Variants in CHCHD6 observed in about 807,000 individuals in gnomAD.
The protein encoded by CHCHD6 is coiled-coil-helix-coiled-coil-helix domain containing 6, also known as MICOS complex subunit MIC25.
Under a neutral mutation model 32.3 loss-of-function variants are expected in CHCHD6, and 28 were observed. The observed-to-expected ratio is 0.87, with a 90% CI of 0.64 to 1.19. CHCHD6 has a LOEUF of 1.19. CHCHD6 is among the 50% of genes most tolerant of loss of function. The probability of loss-of-function intolerance (pLI) is 0.00; values close to 1 mark genes in which losing one functional copy is unlikely to be tolerated. For synonymous variants in CHCHD6, 122 were observed against 117.5 expected (o/e 1.04, Z -0.25); for missense variants, 333 against 307.0 (o/e 1.08, Z -0.63).
intron 1 of CHCHD6, among the ~76,000 whole-genome samples, chr3:126,709,208 A>G (rs1934641092): frequency 6.6e-6 from 1 of 152,200 alleles, no homozygotes; most frequent in South Asian, 2.1e-4. Flanking sequence ...CGGAGGACTG[A>G]CTGTAAACGT....
At chr3:126,732,311 G>A (rs1054094863) in intron 3 of CHCHD6, among the ~76,000 whole-genome samples, 1 of 152,024 alleles carries the variant, frequency 6.6e-6, no homozygotes, top group African/African-American at 2.4e-5. Flanking sequence ...CCCGTTTAGG[G>A]TTATTTTTTG....
In CHCHD6 at chr3:126,767,254, A is replaced by G. The variant is rs1001110497; in HGVS notation, c.411+34032A>G. On this transcript the variant is annotated intron_variant, in intron 4 of 7. Transcript: ENST00000290913. ...ATATTATCTGTGCGGGGCTGGGGAT[A>G]GTGTCTGTCAGGTTGCCAAGGCCCA... 20 of 1,408,388 alleles carry G rather than the reference A, an allele frequency of 1.4e-5. No individual in the cohort carries two copies. The African/African-American group carries it at 2.5e-4, about 18-fold the overall frequency. The allele number at this position is 1,408,388 out of a possible 1,614,324, so 87.2% of individuals were successfully genotyped here.
At chr3:126,872,530 G>T (rs2077489697) in intron 5 of CHCHD6, among the ~76,000 whole-genome samples, 1 of 152,166 alleles carries the variant, frequency 6.6e-6, no homozygotes, top group Non-Finnish European at 1.5e-5. Context: ...TGCCTACATG[G>T]ATGGTTTAAG....
At chr3:126,947,617 C>T (rs572381620) in intron 6 of CHCHD6, among the ~76,000 whole-genome samples, 3 of 152,300 alleles carry the variant, frequency 2.0e-5, no homozygotes, top group Admixed American at 6.5e-5. Context: ...GTCTGCAGAA[C>T]GGGGTGGGAA....
chr3:126,744,172 A>G (rs1315606234), intron 4 of CHCHD6, among the ~76,000 whole-genome samples: 1 of 152,146 alleles, frequency 6.6e-6, no homozygotes, highest in East Asian at 1.9e-4. Flanking sequence ...TCCCACTTCT[A>G]TGCTTGCCTC....
chr3:126,759,900 C>G (rs2107671817), intron 4 of CHCHD6, among the ~76,000 whole-genome samples: 1 of 152,282 alleles, frequency 6.6e-6, no homozygotes, highest in African/African-American at 2.4e-5. Context: ...AAGCATGGCA[C>G]TAGCATCTGC....
At chr3:126,921,287 T>C (rs2078243224) in intron 6 of CHCHD6, among the ~76,000 whole-genome samples, 1 of 151,604 alleles carries the variant, frequency 6.6e-6, no homozygotes, top group Admixed American at 6.6e-5. Flanking sequence ...CAAAGAGGAG[T>C]GTTGATGGCA....
intron 5 of CHCHD6, among the ~76,000 whole-genome samples, chr3:126,871,814 C>T (rs1231524242): frequency 2.0e-5 from 3 of 151,890 alleles, no homozygotes; most frequent in Non-Finnish European, 2.9e-5. Context: ...TACAGGCACG[C>T]ACCACCACGC....
chr3:126,957,814 A>G (rs2078808246), intron 7 of CHCHD6: 2 of 552,710 alleles, frequency 3.6e-6, no homozygotes, highest in Admixed American at 3.0e-5. Flanking sequence ...GGGTGGGAGC[A>G]GGCTGGGTAA....
At chr3:126,813,981 G>A (rs1488123761) in intron 4 of CHCHD6, among the ~76,000 whole-genome samples, 1 of 152,226 alleles carries the variant, frequency 6.6e-6, no homozygotes, top group Non-Finnish European at 1.5e-5. Flanking sequence ...AGTATTTATG[G>A]AGTGCAGGAT....
At chr3:126,790,404 A>C (rs1938467700) in intron 4 of CHCHD6, among the ~76,000 whole-genome samples, 1 of 152,174 alleles carries the variant, frequency 6.6e-6, no homozygotes, top group Admixed American at 6.5e-5. Flanking sequence ...CCTGGGTAAA[A>C]TAGTGCAGAG....
intron 5 of CHCHD6, among the ~76,000 whole-genome samples, chr3:126,869,332 C>T (rs1245127673): frequency 2.1e-5 from 3 of 142,584 alleles, no homozygotes; most frequent in Admixed American, 7.1e-5. Flanking sequence ...TGGGGATTAC[C>T]GTTATTTAAT....
intron 5 of CHCHD6, among the ~76,000 whole-genome samples, chr3:126,897,782 T>C (rs2077862277): frequency 6.6e-6 from 1 of 152,238 alleles, no homozygotes; most frequent in Non-Finnish European, 1.5e-5. Context: ...TGGCTCCCCA[T>C]TTGCTCTGCC....
intron 4 of CHCHD6, among the ~76,000 whole-genome samples, chr3:126,799,094 G>A (rs1938939874): frequency 6.6e-6 from 1 of 152,160 alleles, no homozygotes; most frequent in Admixed American, 6.5e-5. Flanking sequence ...TAACATTGTG[G>A]TTTATTTCCC....
At chr3:126,863,250 C>T (rs1942028008) in intron 5 of CHCHD6, among the ~76,000 whole-genome samples, 1 of 145,340 alleles carries the variant, frequency 6.9e-6, no homozygotes, top group South Asian at 2.2e-4. Context: ...CCATCACCAC[C>T]TCCTCCTCCA....
chr3:126,723,924 C>G (rs150302447), intron 1 of CHCHD6, among the ~76,000 whole-genome samples: 1 of 152,194 alleles, frequency 6.6e-6, no homozygotes, highest in Non-Finnish European at 1.5e-5. Context: ...TAAATATTTA[C>G]TAAAGTGAAC....
At chr3:126,933,457 T>C (rs768063965) in intron 6 of CHCHD6, among the ~76,000 whole-genome samples, 1 of 152,248 alleles carries the variant, frequency 6.6e-6, no homozygotes, top group African/African-American at 2.4e-5. Context: ...ATTTGGCTCA[T>C]GGTCCTACAG....
intron 5 of CHCHD6, among the ~76,000 whole-genome samples, chr3:126,904,459 C>A (rs149533673): frequency 3.3e-5 from 5 of 152,324 alleles, no homozygotes; most frequent in African/African-American, 1.2e-4. Flanking sequence ...GTTTAGTATT[C>A]AGTGTGAATC....
intron 5 of CHCHD6, among the ~76,000 whole-genome samples, chr3:126,903,580 T>TA (rs2107584312): frequency 6.6e-6 from 1 of 152,366 alleles, no homozygotes; most frequent in East Asian, 1.9e-4. Context: ...TTTCAAACTC[T>TA]TTAGATAGTC....
Sources: allele counts gnomAD v4.1 joint callset (sites outside exome capture counted in the v4.1 genomes callset), GRCh38; gene constraint gnomAD v4.1.1; transcripts MANE v1.5; gene names NCBI Gene and HGNC (gene_info 2026-07-23, HGNC 2026-07-21).